The following ZNF423 variants were observed in gnomAD, a reference collection of about 807,000 sequenced individuals.
The protein encoded by ZNF423 is Ebf-associated zinc finger protein.
In ZNF423, 12 loss-of-function variants were observed where a neutral mutation model predicts 95.8. The ratio of observed to expected loss-of-function variants is 0.13; its 90% CI spans 0.08 to 0.20. ZNF423 has a LOEUF of 0.20. ZNF423 is among the 10% of genes least tolerant of loss of function. ZNF423 has a pLI of 1.00. For synonymous variants in ZNF423, 749 were observed against 711.9 expected (o/e 1.05, Z -0.83); for missense variants, 1,316 against 1,737.1 (o/e 0.76, Z 4.31).
chr16:49,674,855 G>C (rs1473071570), intron 3 of ZNF423, among the ~76,000 whole-genome samples: 1 of 152,128 alleles, frequency 6.6e-6, no homozygotes, highest in African/African-American at 2.4e-5. Flanking sequence ...GTCTTAGAAA[G>C]GGACTGAGTC....
chr16:49,698,346 T>G (rs892359337), intron 3 of ZNF423, among the ~76,000 whole-genome samples: 1 of 151,646 alleles, frequency 6.6e-6, no homozygotes, highest in Non-Finnish European at 1.5e-5. Flanking sequence ...TGCCAGGGGG[T>G]TAGAAACTGG....
intron 1 of ZNF423, among the ~76,000 whole-genome samples, chr16:49,804,519 A>G (rs1211860151): frequency 6.6e-6 from 1 of 152,144 alleles, no homozygotes; most frequent in Non-Finnish European, 1.5e-5. Flanking sequence ...AGACCTGGGA[A>G]CAGGCCCAGG....
At chr16:49,813,537 T>C (rs1177035015) in intron 1 of ZNF423, among the ~76,000 whole-genome samples, 1 of 152,078 alleles carries the variant, frequency 6.6e-6, no homozygotes, top group African/African-American at 2.4e-5. Flanking sequence ...CAGGGATTGA[T>C]CCTCAAGCAG....
rs775616540 is a variant in ZNF423, at chr16:49,491,307, G to A, written c.3850-3C>T. 8.7e-6 allele frequency: 14 copies of A among 1,613,882 alleles called. No individual in the cohort carries two copies. In the Admixed American group the frequency reaches 1.7e-4, roughly 19 times the overall value. ...GCGTGCTGGCTCATCGTGTGGTTCT[G>A]CAAAGGCGAAGAAAGGAGACACACA... On this transcript the variant is annotated splice_region_variant and splice_polypyrimidine_tract_variant and intron_variant, in intron 7 of 7. Transcript: ENST00000563137.
intron 3 of ZNF423, among the ~76,000 whole-genome samples, chr16:49,662,514 T>C (rs941720878): frequency 6.6e-6 from 1 of 152,220 alleles, no homozygotes; most frequent in African/African-American, 2.4e-5. Context: ...AAGTGCCTAC[T>C]CTGCCAGCCC....
chr16:49,695,140 T>C (rs1429180289), intron 3 of ZNF423, among the ~76,000 whole-genome samples: 1 of 152,194 alleles, frequency 6.6e-6, no homozygotes, highest in African/African-American at 2.4e-5. Context: ...TTCTGAGACA[T>C]AGTCTCACTC....
intron 2 of ZNF423, among the ~76,000 whole-genome samples, chr16:49,734,525 G>C (rs930792192): frequency 6.6e-6 from 1 of 152,236 alleles, no homozygotes; most frequent in African/African-American, 2.4e-5. Context: ...TCCAGGGCTG[G>C]GGAGGGCTTC....
chr16:49,700,233 G>GAAGAAGAAA (rs1555473679), intron 3 of ZNF423, among the ~76,000 whole-genome samples: 29 of 140,912 alleles, frequency 2.1e-4, no homozygotes, highest in African/African-American at 7.2e-4. Context: ...AGAAGAAGAA[G>GAAGAAGAAA]AAAAAAAGAA....
At chr16:49,645,150 A>G (rs1372097842) in intron 3 of ZNF423, among the ~76,000 whole-genome samples, 1 of 152,236 alleles carries the variant, frequency 6.6e-6, no homozygotes, top group Non-Finnish European at 1.5e-5. Context: ...ATTGCCAAGG[A>G]GACCAGTTCC....
chr16:49,841,403 C>T (rs1352928778), intron 1 of ZNF423, among the ~76,000 whole-genome samples: 2 of 152,134 alleles, frequency 1.3e-5, no homozygotes, highest in African/African-American at 2.4e-5. Flanking sequence ...TCTCCAAGCT[C>T]CAGGACTGCT....
intron 2 of ZNF423, among the ~76,000 whole-genome samples, chr16:49,762,525 C>CATGAGGTCAAGCAATTTG (rs1408505918): frequency 1.3e-5 from 2 of 152,196 alleles, no homozygotes; most frequent in African/African-American, 4.8e-5. Context: ...GACTAATGTT[C>CATGAGGTCAAGCAATTTG]ATGAGGTCAA....
intron 4 of ZNF423, among the ~76,000 whole-genome samples, chr16:49,631,132 C>A (rs965518241): frequency 6.6e-6 from 1 of 152,118 alleles, no homozygotes; most frequent in African/African-American, 2.4e-5. Flanking sequence ...TCACACTCAT[C>A]CAGAGACCCT....
At chr16:49,506,206 G>T (rs1967629609) in intron 7 of ZNF423, among the ~76,000 whole-genome samples, 1 of 152,200 alleles carries the variant, frequency 6.6e-6, no homozygotes, top group Non-Finnish European at 1.5e-5. Context: ...AATACTGGAG[G>T]GTGATGATGG....
At chr16:49,766,927 A>G (rs2080352) in intron 2 of ZNF423, among the ~76,000 whole-genome samples, 108,968 of 152,012 alleles carry the variant, frequency 0.72, 40,156 homozygotes, top group African/African-American at 0.89. Context: ...TGACCTGGCA[A>G]ACTCCAGAAC....
intron 2 of ZNF423, among the ~76,000 whole-genome samples, chr16:49,786,847 A>G (rs1427608066): frequency 8.5e-5 from 13 of 152,220 alleles, no homozygotes; most frequent in Admixed American, 8.5e-4. Flanking sequence ...TTGCTCCCCC[A>G]TAATCTTCTT....
At chr16:49,770,453 G>A (rs2034012226) in intron 2 of ZNF423, among the ~76,000 whole-genome samples, 1 of 152,184 alleles carries the variant, frequency 6.6e-6, no homozygotes, top group South Asian at 2.1e-4. Flanking sequence ...AGGGGAGGGA[G>A]AGAACCTGCT....
intron 5 of ZNF423, among the ~76,000 whole-genome samples, chr16:49,613,307 T>C (rs1971782592): frequency 6.6e-6 from 1 of 152,238 alleles, no homozygotes; most frequent in Admixed American, 6.5e-5. Flanking sequence ...CTATATTGTA[T>C]TTGGCAGAGG....
In ZNF423 at chr16:49,536,406, A is replaced by G. The variant is rs938993604; in HGVS notation, c.3602-10912T>C. On this transcript the variant is annotated intron_variant, in intron 5 of 7. Coordinates refer to ENST00000563137, the MANE Select transcript of ZNF423 (RefSeq NM_001379286.1). ...ACTGTCAATCTAGTAGTTACTGGCC[A>G]CCTGTGGCTCTTTAGTTTCTGGGTG... Among the ~76,000 whole-genome samples the G allele has an allele frequency of 5.1e-4, 75 of 147,118 alleles. 1 individual carries two copies. The highest frequency in any genetic ancestry group is 7.1e-3 in the Middle Eastern group (2 of 280).
intron 5 of ZNF423, among the ~76,000 whole-genome samples, chr16:49,584,353 C>G (rs554983935): frequency 1.3e-5 from 2 of 152,182 alleles, no homozygotes; most frequent in African/African-American, 4.8e-5. Context: ...CTACTGCCTA[C>G]GCTTAGGGCA....
Sources: gnomAD v4.1 joint callset for allele counts (sites outside exome capture counted in the v4.1 genomes callset) on GRCh38, gnomAD v4.1.1 for gene constraint, MANE v1.5 for transcripts, NCBI Gene and HGNC (gene_info 2026-07-23, HGNC 2026-07-21) for gene names.